The following NYAP2 variants were observed in gnomAD, a reference collection of about 807,000 sequenced individuals.
NYAP2 encodes the protein neuronal tyrosine-phosphorylated phosphoinositide-3-kinase adaptor 2.
NYAP2 carries 23 observed loss-of-function variants against 50.4 expected under a neutral mutation model. The ratio of observed to expected loss-of-function variants is 0.46; its 90% CI spans 0.33 to 0.65. The LOEUF (loss-of-function observed/expected upper bound fraction) is 0.65. Among genes scored for constraint, NYAP2 ranks in the 30% least tolerant of loss-of-function variants. The pLI is 0.02. For synonymous variants in NYAP2, 394 were observed against 365.2 expected, an observed-to-expected ratio of 1.08 and a Z score of -0.90; for missense variants, 885 against 861.0, an observed-to-expected ratio of 1.03 and a Z score of -0.35.
At chr2:225,692,174 A>G in the NYAP2 span, among the ~76,000 whole-genome samples, 1 of 152,166 alleles carries the variant, frequency 6.6e-6, no homozygotes. Context: ...ATGAGGCACA[A>G]AAATCAAAAT....
intron 3 of NYAP2, among the ~76,000 whole-genome samples, chr2:225,463,913 A>G (rs1689875293): frequency 7.0e-6 from 1 of 141,940 alleles, no homozygotes; most frequent in Non-Finnish European, 1.5e-5. Context: ...CTCTGGAGCT[A>G]CAGAAGTGTG....
chr2:225,506,245 A>G (rs6436563), intron 3 of NYAP2, among the ~76,000 whole-genome samples: 47,941 of 152,028 alleles, frequency 0.32, 7,707 homozygotes, highest in South Asian at 0.48. Flanking sequence ...AGTGACTAGA[A>G]TGGTGAGCAA....
At chr2:225,629,139 C>T (rs953259569) in intron 6 of NYAP2, among the ~76,000 whole-genome samples, 2 of 152,178 alleles carry the variant, frequency 1.3e-5, no homozygotes, top group Non-Finnish European at 2.9e-5. Context: ...GCTCAAAGGC[C>T]TGAGAACTAG....
At chr2:225,431,799 G>A (rs951025531) in intron 3 of NYAP2, among the ~76,000 whole-genome samples, 2 of 152,142 alleles carry the variant, frequency 1.3e-5, no homozygotes, top group Non-Finnish European at 2.9e-5. Flanking sequence ...CATCTACTGT[G>A]AACACAGAAA....
chr2:225,523,635 T>A (rs919529909), intron 4 of NYAP2, among the ~76,000 whole-genome samples: 2 of 152,086 alleles, frequency 1.3e-5, no homozygotes, highest in African/African-American at 2.4e-5. Context: ...GACCATATTG[T>A]CCAAAGCAAT....
At chr2:225,451,966 G>A (rs1037286824) in intron 3 of NYAP2, among the ~76,000 whole-genome samples, 5 of 151,456 alleles carry the variant, frequency 3.3e-5, no homozygotes, top group Admixed American at 6.6e-5. Context: ...ACACACACAC[G>A]TATATATACA....
chr2:225,680,856 A>G, the NYAP2 span, among the ~76,000 whole-genome samples: 9 of 152,206 alleles, frequency 5.9e-5, no homozygotes, highest in Non-Finnish European at 1.3e-4. Flanking sequence ...ATATTTATCC[A>G]TCCATAAAAG....
the NYAP2 span, among the ~76,000 whole-genome samples, chr2:225,678,760 G>T: frequency 1.3e-5 from 2 of 152,252 alleles, no homozygotes; most frequent in South Asian, 4.1e-4. Flanking sequence ...CTTATGAAAT[G>T]CATTGCCCAT....
intron 5 of NYAP2, among the ~76,000 whole-genome samples, chr2:225,606,058 A>G (rs909015740): frequency 1.3e-5 from 2 of 152,196 alleles, no homozygotes; most frequent in Non-Finnish European, 1.5e-5. Context: ...AACATCTAAT[A>G]TAGAATTCAT....
At chr2:225,629,431 G>T (rs867181528) in intron 6 of NYAP2, among the ~76,000 whole-genome samples, 2 of 152,164 alleles carry the variant, frequency 1.3e-5, no homozygotes, top group African/African-American at 4.8e-5. Flanking sequence ...AGCTATCTGG[G>T]CATTCCTTAA....
chr2:225,519,699 C>G (rs1047622171), intron 4 of NYAP2, among the ~76,000 whole-genome samples: 6 of 152,120 alleles, frequency 3.9e-5, no homozygotes, highest in African/African-American at 9.7e-5. Flanking sequence ...GGTTCCAAGT[C>G]TTTGCTATTA....
chr2:225,693,400 A>T, the NYAP2 span, among the ~76,000 whole-genome samples: 1 of 152,058 alleles, frequency 6.6e-6, no homozygotes, highest in Non-Finnish European at 1.5e-5. Context: ...CTCTGGTCTC[A>T]TCACATTATA....
intron 5 of NYAP2, among the ~76,000 whole-genome samples, chr2:225,592,164 C>T (rs532317577): frequency 3.3e-5 from 5 of 152,316 alleles, no homozygotes; most frequent in African/African-American, 1.2e-4. Flanking sequence ...CTAAGCATAA[C>T]TTAAGGGTGT....
intron 6 of NYAP2, among the ~76,000 whole-genome samples, chr2:225,643,170 T>G (rs900497658): frequency 2.0e-5 from 3 of 152,266 alleles, no homozygotes; most frequent in African/African-American, 7.2e-5. Flanking sequence ...TTGTTATAGA[T>G]GATAAAAAAT....
chr2:225,477,710 C>G (rs542297054), intron 3 of NYAP2, among the ~76,000 whole-genome samples: 19 of 152,274 alleles, frequency 1.2e-4, no homozygotes, highest in African/African-American at 4.3e-4. Context: ...TACATACACA[C>G]ATACATACAC....
At chr2:225,531,055 C>T (rs1331878809) in intron 4 of NYAP2, among the ~76,000 whole-genome samples, 2 of 152,234 alleles carry the variant, frequency 1.3e-5, no homozygotes. Context: ...AGGATTTTCT[C>T]ACATGTGTAT....
rs553460571 is a variant in NYAP2, at chr2:225,580,673, T to C, written c.524-1268T>C. ...TGGTTCCCTGTTGCTGAAGTCTCAG[T>C]TGATGGATGGAACAGCCATCTAGCT... On this transcript the variant is annotated intron_variant, in intron 4 of 6. Coordinates refer to ENST00000636099, the Ensembl canonical transcript of NYAP2. Among the ~76,000 whole-genome samples the C allele has an allele frequency of 1.4e-4, 21 of 152,300 alleles. No homozygotes were observed. In the South Asian group the frequency reaches 3.7e-3, roughly 27 times the overall value.
chr2:225,663,889 C>G, the NYAP2 span, among the ~76,000 whole-genome samples: 1 of 152,068 alleles, frequency 6.6e-6, no homozygotes, highest in African/African-American at 2.4e-5. Context: ...GGCATGCCTC[C>G]AAGAGTTGCC....
chr2:225,502,522 C>T (rs1366576633), intron 3 of NYAP2, among the ~76,000 whole-genome samples: 1 of 152,202 alleles, frequency 6.6e-6, no homozygotes, highest in African/African-American at 2.4e-5. Flanking sequence ...ATTGGTTGTG[C>T]CTTTGGGCCA....
Sources: gnomAD v4.1 joint callset for allele counts (sites outside exome capture counted in the v4.1 genomes callset) on GRCh38, gnomAD v4.1.1 for gene constraint, MANE v1.5 for transcripts, NCBI Gene and HGNC (gene_info 2026-07-23, HGNC 2026-07-21) for gene names.